METTL15: variants seen among roughly 807,000 people sequenced by gnomAD.
METTL15 encodes 12S rRNA N(4)-cytidine methyltransferase METTL15.
A neutral mutation model predicts 38.3 loss-of-function variants in METTL15; 34 were observed. The observed-to-expected ratio is 0.89, with a 90% CI of 0.68 to 1.18. The LOEUF (loss-of-function observed/expected upper bound fraction) is 1.18, where lower values mean the gene tolerates loss of function less well. METTL15 is among the 50% of genes most tolerant of loss of function. The pLI is 0.00. For missense variants in METTL15, 438 were observed against 498.4 expected, an observed-to-expected ratio of 0.88 and a Z score of 1.15; for synonymous variants, 162 against 170.9, an observed-to-expected ratio of 0.95 and a Z score of 0.41.
At chr11:28,471,504 T>G (rs1851302785) in intron 6 of METTL15, among the ~76,000 whole-genome samples, 1 of 152,120 alleles carries the variant, frequency 6.6e-6, no homozygotes, top group Non-Finnish European at 1.5e-5. Flanking sequence ...GAGGCAAGAT[T>G]TAGACACAGG....
At chr11:28,116,361 A>G (rs1851957606) in intron 3 of METTL15, among the ~76,000 whole-genome samples, 1 of 152,220 alleles carries the variant, frequency 6.6e-6, no homozygotes, top group Non-Finnish European at 1.5e-5. Flanking sequence ...TTCTTAGTGT[A>G]CTGACTTCAG....
At chr11:28,151,377 G>T (rs958202303) in intron 3 of METTL15, among the ~76,000 whole-genome samples, 3 of 151,748 alleles carry the variant, frequency 2.0e-5, no homozygotes, top group Non-Finnish European at 2.9e-5. Context: ...CTGTTATATG[G>T]ATCTAACTTT....
intron 6 of METTL15, among the ~76,000 whole-genome samples, chr11:28,320,890 CATAAGTACTACTTTGTAA>C (rs745481067): frequency 2.3e-4 from 35 of 152,088 alleles, no homozygotes; most frequent in Middle Eastern, 3.4e-3. Context: ...ACTTTTAAAA[CATAAGTACTACTTTGTAA>C]ATTTGAGAAT....
chr11:28,309,596 C>T (rs974407511), intron 6 of METTL15, among the ~76,000 whole-genome samples: 2 of 152,194 alleles, frequency 1.3e-5, no homozygotes, highest in Non-Finnish European at 2.9e-5. Context: ...TAGCCAAGTC[C>T]AGTTTCCCTA....
intron 5 of METTL15, among the ~76,000 whole-genome samples, chr11:28,380,649 G>GT: frequency 6.6e-6 from 1 of 152,020 alleles, no homozygotes; most frequent in Middle Eastern, 3.4e-3. Flanking sequence ...TCTATTATAG[G>GT]TTTTTGCATT....
intron 3 of METTL15, among the ~76,000 whole-genome samples, chr11:28,182,273 G>T (rs907648477): frequency 1.3e-5 from 2 of 152,032 alleles, no homozygotes; most frequent in Non-Finnish European, 2.9e-5. Context: ...GACCCCATTT[G>T]CCAATTTTGG....
At chr11:28,272,589 G>T (rs943842443) in intron 4 of METTL15, among the ~76,000 whole-genome samples, 4 of 152,096 alleles carry the variant, frequency 2.6e-5, no homozygotes, top group African/African-American at 7.2e-5. Context: ...TTCAGGACAG[G>T]GATAGCATCA....
downstream of METTL15, chr11:28,333,518 G>C (rs1261109423): frequency 6.6e-6 from 1 of 152,014 alleles, no homozygotes; most frequent in Non-Finnish European, 1.5e-5. Context: ...TGTCTTGACT[G>C]CCTTCTATGA....
intron 3 of METTL15, among the ~76,000 whole-genome samples, chr11:28,206,000 G>A: frequency 7.1e-6 from 1 of 140,690 alleles, no homozygotes; most frequent in East Asian, 2.1e-4. Flanking sequence ...GTAGATTCTG[G>A]ATATTAGCCC....
intron 5 of METTL15, among the ~76,000 whole-genome samples, chr11:28,416,499 G>A (rs1176372427): frequency 1.3e-5 from 2 of 152,168 alleles, no homozygotes; most frequent in Non-Finnish European, 2.9e-5. Context: ...TCCATGTAAA[G>A]GTTCTGAAGT....
At chr11:28,164,953 C>G (rs1850605013) in intron 3 of METTL15, among the ~76,000 whole-genome samples, 1 of 152,096 alleles carries the variant, frequency 6.6e-6, no homozygotes, top group African/African-American at 2.4e-5. Context: ...AATGCAGTAT[C>G]TGGCTAATTT....
chr11:28,363,077 G>A (rs867084016), intron 5 of METTL15, among the ~76,000 whole-genome samples: 2 of 152,062 alleles, frequency 1.3e-5, no homozygotes, highest in East Asian at 1.9e-4. Flanking sequence ...GTATATAATC[G>A]TGATTTTATT....
intron 4 of METTL15, chr11:28,287,343 G>A: frequency 7.4e-6 from 2 of 268,632 alleles, no homozygotes; most frequent in South Asian, 4.1e-5. Context: ...CTGGCAGGAT[G>A]GAAACAGATT....
At chr11:28,393,802 G>A (rs1170591058) in intron 5 of METTL15, among the ~76,000 whole-genome samples, 2 of 152,080 alleles carry the variant, frequency 1.3e-5, no homozygotes, top group Non-Finnish European at 1.5e-5. Flanking sequence ...ATATACGGAT[G>A]TGAACACCAG....
intron 3 of METTL15, among the ~76,000 whole-genome samples, chr11:28,184,310 A>G (rs1427862422): frequency 6.6e-6 from 1 of 151,296 alleles, no homozygotes; most frequent in African/African-American, 2.4e-5. Context: ...AGCTTTTGAA[A>G]CTGCTTGCTA....
intron 3 of METTL15, among the ~76,000 whole-genome samples, chr11:28,153,047 T>G (rs192065496): frequency 6.6e-6 from 1 of 152,136 alleles, no homozygotes; most frequent in Non-Finnish European, 1.5e-5. Context: ...TAGCATATAA[T>G]GTGCAGTGAG....
At position 28,332,596 on chromosome 11, in the gene METTL15, T is replaced by A. The variant is rs986039446; in HGVS notation, c.*1755T>A. The A allele has an allele frequency of 2.0e-5, 3 of 148,012 alleles. No individual in the cohort carries two copies. The highest frequency in any genetic ancestry group is 7.7e-5 in the African/African-American group (3 of 38,770). The allele number at this position is 148,012 out of a possible 1,614,324, so 9.2% of individuals were successfully genotyped here. ...GAAATACTGTGGTTGTGGTTGTAAGTAGCTAAGATGAGGTCATACTGGAGC... is the reference window on the plus strand; with the variant it reads ...GAAATACTGTGGTTGTGGTTGTAAGAAGCTAAGATGAGGTCATACTGGAGC... On this transcript the variant is annotated 3_prime_UTR_variant, in exon 7 of 7. Coordinates refer to ENST00000407364, the MANE Select transcript of METTL15 (RefSeq NM_001113528.2).
intron 4 of METTL15, among the ~76,000 whole-genome samples, chr11:28,215,664 AT>A (rs1189803530): frequency 1.3e-5 from 2 of 150,904 alleles, no homozygotes; most frequent in Non-Finnish European, 2.9e-5. Context: ...GAAAACTATA[AT>A]GTTTTTGAAG....
intron 6 of METTL15, among the ~76,000 whole-genome samples, chr11:28,494,682 G>T (rs1851522157): frequency 6.6e-6 from 1 of 152,142 alleles, no homozygotes; most frequent in Non-Finnish European, 1.5e-5. Context: ...ACGGGGGTGG[G>T]TCTTTCCTGT....
Sources: allele counts gnomAD v4.1 joint callset (sites outside exome capture counted in the v4.1 genomes callset), GRCh38; gene constraint gnomAD v4.1.1; transcripts MANE v1.5; gene names NCBI Gene and HGNC (gene_info 2026-07-23, HGNC 2026-07-21).